KMT2C: variants seen among roughly 807,000 people sequenced by gnomAD.
KMT2C encodes lysine methyltransferase 2C.
KMT2C carries 88 observed loss-of-function variants against 507.9 expected under a neutral mutation model. The ratio of observed to expected loss-of-function variants is 0.17; its 90% CI spans 0.15 to 0.21. The LOEUF (loss-of-function observed/expected upper bound fraction) is 0.21. Among genes scored for constraint, KMT2C ranks in the 10% least tolerant of loss-of-function variants. The probability of loss-of-function intolerance (pLI) is 1.00; values close to 1 mark genes in which losing one functional copy is unlikely to be tolerated. For synonymous variants in KMT2C, 2,049 were observed against 2,080.8 expected, an observed-to-expected ratio of 0.98 and a Z score of 0.42; for missense variants, 4,954 against 5,957.8, an observed-to-expected ratio of 0.83 and a Z score of 5.55.
chr7:152,373,916 CA>C (rs1337493019), intron 1 of KMT2C, among the ~76,000 whole-genome samples: 1 of 152,058 alleles, frequency 6.6e-6, no homozygotes, highest in African/African-American at 2.4e-5. Context: ...ACAACAAATT[CA>C]TTTTTGAATA....
rs376747230 is a variant in KMT2C, at chr7:152,186,125, G to A, written c.5009-494C>T. Among the ~76,000 whole-genome samples the A allele has an allele frequency of 3.9e-5, 6 of 152,106 alleles. No individual in the cohort carries two copies. In the East Asian group the frequency reaches 9.6e-4, roughly 24 times the overall value. ...TCAGTGTCATGACGGTATACAAAAT[G>A]AAGAAGCCTGGGTAAGATCAACAGT... On this transcript the variant is annotated intron_variant, in intron 33 of 58. Transcript: ENST00000262189.
intron 1 of KMT2C, among the ~76,000 whole-genome samples, chr7:152,398,897 G>C (rs2097553751): frequency 1.3e-5 from 2 of 152,070 alleles, no homozygotes; most frequent in Non-Finnish European, 2.9e-5. Context: ...GCACAATCTT[G>C]ACTCAATGCA....
At position 152,187,438 on chromosome 7, in the gene KMT2C, G is replaced by C. The variant is rs746430166; in HGVS notation, c.4832C>G (p.Pro1611Arg). Residue 1611 changes from proline (P) to arginine (R), a missense_variant, in exon 33 of 59, where the codon CCT (proline) becomes CGT (arginine). Pro to Arg is a moderately radical substitution (Grantham distance 103). Around this residue, in one of 29 missense-constraint regions of KMT2C, gnomAD observed 195 missense variants for 183.7 expected, o/e 1.06. Transcript: ENST00000262189. ...AGCTGATGATGTCCAAGAGTTGTTA[G>C]GATCACTTGCCATTGGATTAAAGGC... is the stretch of plus-strand genomic sequence containing the variant. The part of the protein sequence containing the change: ...NSAFNPMASD[P>R]NNSWTSSAPT... 11 of 1,613,872 alleles carry C rather than the reference G, an allele frequency of 6.8e-6. No individual in the cohort carries two copies. The highest frequency in any genetic ancestry group is 1.3e-5 in the African/African-American group (1 of 74,878).
intron 31 of KMT2C, among the ~76,000 whole-genome samples, chr7:152,188,367 G>C (rs2093684836): frequency 1.3e-5 from 2 of 151,914 alleles, no homozygotes; most frequent in African/African-American, 2.4e-5. Context: ...GTAAACCGTA[G>C]GTATTCTGTT....
rs1199326789 is a variant in KMT2C at position 152,150,924 on chromosome 7, T to G, written c.12750A>C (p.Ala4250=). Residue 4250 remains alanine, a synonymous_variant, in exon 51 of 59, where the codon GCA becomes GCC. Transcript: ENST00000262189. ...CCTTGTTTTCTGAGTTTTTCGCTTG[T>G]GCAGTTGATGAATAAAGAATAAAGC... The part of the protein sequence containing the change: ...NNCFILYSST[A]QAKNSENKES... 6.2e-7 allele frequency: 1 copy of G among 1,611,952 alleles called. No individual in the cohort carries two copies. Among genetic ancestry groups the G allele is most frequent in the East Asian group, 2.2e-5 (1 of 44,878 alleles).
chr7:152,426,867 G>A (rs1365152214), intron 1 of KMT2C, among the ~76,000 whole-genome samples: 1 of 152,082 alleles, frequency 6.6e-6, no homozygotes, highest in Non-Finnish European at 1.5e-5. Flanking sequence ...GAATCCAGAA[G>A]GTCTAGGCTC....
intron 23 of KMT2C, among the ~76,000 whole-genome samples, chr7:152,216,224 A>AT (rs1390380345): frequency 6.6e-6 from 1 of 152,036 alleles, no homozygotes; most frequent in Non-Finnish European, 1.5e-5. Context: ...GAGGTATGGG[A>AT]TTTTTTTCTT....
intron 1 of KMT2C, among the ~76,000 whole-genome samples, chr7:152,384,126 T>C (rs756842558): frequency 6.6e-6 from 1 of 152,030 alleles, no homozygotes; most frequent in Non-Finnish European, 1.5e-5. Context: ...GAGAAATCTG[T>C]ATAAGCAGTT....
rs550787156 is a variant in KMT2C, at chr7:152,162,355, C to T, written c.11222G>A (p.Gly3741Asp). 6.2e-7 allele frequency: 1 copy of T among 1,614,244 alleles called. No homozygotes were observed. The highest frequency in any genetic ancestry group is 1.3e-5 in the African/African-American group (1 of 75,058). ...TACAGCGTTTCCTTCTACCTTACTA[C>T]CATTCTGTTCCTCCAATTTAGGCTC... ...QEEPKLEEQN[G>D]SKVEGNAVAC... Residue 3741 changes from glycine to aspartate, a missense_variant, in exon 43 of 59, where the codon GGT becomes GAT. This residue lies in a region of KMT2C where 801 missense variants were observed against 751.2 expected (regional missense o/e 1.07). Coordinates refer to ENST00000262189, the MANE Select transcript of KMT2C (RefSeq NM_170606.3).
At chr7:152,409,562 A>AT (rs2097659459) in intron 1 of KMT2C, among the ~76,000 whole-genome samples, 2 of 129,038 alleles carry the variant, frequency 1.5e-5, no homozygotes, top group Non-Finnish European at 3.1e-5. Flanking sequence ...TGCTAAAAAT[A>AT]CAAAAAAAAA....
intron 6 of KMT2C, among the ~76,000 whole-genome samples, chr7:152,287,528 G>C (rs2096323767): frequency 6.6e-6 from 1 of 152,088 alleles, no homozygotes; most frequent in Non-Finnish European, 1.5e-5. Context: ...TACTAAAAGG[G>C]GGTATTTAAA....
chr7:152,269,955 G>C (rs1260400406), intron 7 of KMT2C, among the ~76,000 whole-genome samples: 1 of 152,198 alleles, frequency 6.6e-6, no homozygotes, highest in African/African-American at 2.4e-5. Context: ...CCTTAAACCT[G>C]ATGAAACTAT....
intron 28 of KMT2C, among the ~76,000 whole-genome samples, chr7:152,194,821 T>A (rs1184804682): frequency 6.7e-6 from 1 of 149,656 alleles, no homozygotes; most frequent in Non-Finnish European, 1.5e-5. Context: ...AAAGAATACA[T>A]CTGATTTTAA....
intron 1 of KMT2C, among the ~76,000 whole-genome samples, chr7:152,394,986 C>T (rs1215180361): frequency 6.6e-6 from 1 of 151,932 alleles, no homozygotes; most frequent in Non-Finnish European, 1.5e-5. Flanking sequence ...TTATTTGAAG[C>T]TGCAAAGTAC....
chr7:152,331,041 C>A (rs1304720486), intron 2 of KMT2C, among the ~76,000 whole-genome samples: 2 of 152,132 alleles, frequency 1.3e-5, no homozygotes, highest in Non-Finnish European at 2.9e-5. Context: ...GGCATGGTGG[C>A]TCATGCCTGT....
chr7:152,278,133 G>A (rs1157675698), intron 6 of KMT2C, among the ~76,000 whole-genome samples: 2 of 152,140 alleles, frequency 1.3e-5, no homozygotes, highest in Non-Finnish European at 2.9e-5. Context: ...GCTTGGTGCT[G>A]TCCTTGCGAT....
intron 34 of KMT2C, among the ~76,000 whole-genome samples, chr7:152,185,032 C>G (rs2129122991): frequency 6.6e-6 from 1 of 152,350 alleles, no homozygotes; most frequent in South Asian, 2.1e-4. Flanking sequence ...GCTGGGATTA[C>G]AGGTGTGGGT....
chr7:152,178,862 C>T (rs1009796183), intron 37 of KMT2C, among the ~76,000 whole-genome samples: 2 of 152,148 alleles, frequency 1.3e-5, no homozygotes, highest in Non-Finnish European at 2.9e-5. Flanking sequence ...ATAGGTTTGG[C>T]TTTGACTTTA....
chr7:152,337,293 A>C (rs920499665), intron 2 of KMT2C, among the ~76,000 whole-genome samples: 11 of 152,118 alleles, frequency 7.2e-5, no homozygotes, highest in African/African-American at 2.7e-4. Flanking sequence ...AAAAAAGAGA[A>C]CCTAATCACA....
Sources: gnomAD v4.1 joint callset for allele counts (sites outside exome capture counted in the v4.1 genomes callset) on GRCh38, gnomAD v4.1.1 for gene constraint, gnomAD v4.1.1 regional missense constraint, MANE v1.5 for transcripts, NCBI Gene and HGNC (gene_info 2026-07-23, HGNC 2026-07-21) for gene names.